Variants in CSMD2 observed in about 807,000 individuals in gnomAD.
CSMD2 encodes CUB and Sushi multiple domains 2, also known as CUB and sushi domain-containing protein 2.
In CSMD2, 130 loss-of-function variants were observed where a neutral mutation model predicts 398.5. The ratio of observed to expected loss-of-function variants is 0.33; its 90% CI spans 0.28 to 0.38. The LOEUF (loss-of-function observed/expected upper bound fraction) is 0.38, where lower values mean the gene tolerates loss of function less well. Ranked by LOEUF, CSMD2 falls within the 10% of genes least tolerant of loss-of-function variation. CSMD2 has a pLI of 1.00. For synonymous variants in CSMD2, 1,828 were observed against 1,908.5 expected (o/e 0.96, Z 1.10); for missense variants, 3,829 against 4,764.9 (o/e 0.80, Z 5.78).
At chr1:33,699,346 G>A (rs973097258) in intron 23 of CSMD2, among the ~76,000 whole-genome samples, 8 of 152,182 alleles carry the variant, frequency 5.3e-5, no homozygotes, top group African/African-American at 9.7e-5. Context: ...TTAAACATAC[G>A]CTGTTGAAAT....
At chr1:33,654,445 C>T (rs188940180) in intron 27 of CSMD2, among the ~76,000 whole-genome samples, 121 of 152,244 alleles carry the variant, frequency 7.9e-4, no homozygotes, top group African/African-American at 2.5e-3. Flanking sequence ...GTAGAGGAGG[C>T]GTGCTTCTCC....
intron 2 of CSMD2, among the ~76,000 whole-genome samples, chr1:34,075,204 TC>T (rs1434339719): frequency 6.6e-6 from 1 of 152,194 alleles, no homozygotes; most frequent in Admixed American, 6.5e-5. Flanking sequence ...CTTTCCAGTG[TC>T]CCCTCTCTGT....
intron 2 of CSMD2, among the ~76,000 whole-genome samples, chr1:34,063,091 G>GC (rs1372482923): frequency 1.3e-5 from 2 of 151,998 alleles, no homozygotes; most frequent in African/African-American, 2.4e-5. Flanking sequence ...GGGGGAAACC[G>GC]CCCCCGTGAT....
chr1:33,917,987 C>T (rs1643812339), intron 5 of CSMD2, 107 bp downstream of exon 5: 4 of 937,988 alleles, frequency 4.3e-6, no homozygotes, highest in Non-Finnish European at 6.6e-6. Flanking sequence ...AAGGAAGTGG[C>T]TAAGAGGCCT....
intron 2 of CSMD2, among the ~76,000 whole-genome samples, chr1:34,052,659 T>A (rs933076007): frequency 6.6e-6 from 1 of 152,106 alleles, no homozygotes; most frequent in African/African-American, 2.4e-5. Flanking sequence ...CCTATCTTCC[T>A]CTATCTGAAT....
chr1:34,036,674 T>C (rs1230026449), intron 2 of CSMD2, among the ~76,000 whole-genome samples: 1 of 152,166 alleles, frequency 6.6e-6, no homozygotes, highest in Non-Finnish European at 1.5e-5. Flanking sequence ...AGTGGCAGTG[T>C]GCTGGTTTTG....
intron 52 of CSMD2, among the ~76,000 whole-genome samples, chr1:33,568,579 T>C (rs1347066318): frequency 6.6e-6 from 1 of 152,240 alleles, no homozygotes; most frequent in South Asian, 2.1e-4. Context: ...GAAACAACTA[T>C]GTAAAAACAG....
intron 3 of CSMD2, among the ~76,000 whole-genome samples, chr1:33,974,429 A>G (rs1478409623): frequency 3.9e-5 from 6 of 152,250 alleles, no homozygotes; most frequent in Non-Finnish European, 8.8e-5. Context: ...GGACACAGAC[A>G]TGAGCCAGTC....
chr1:34,038,062 G>A (rs1159460450), intron 2 of CSMD2, among the ~76,000 whole-genome samples: 1 of 152,120 alleles, frequency 6.6e-6, no homozygotes, highest in African/African-American at 2.4e-5. Flanking sequence ...GCTGGGGGAG[G>A]GGATGGGAAA....
Position 33,546,117 on chromosome 1 carries a change from G to C in CSMD2, c.9020C>G (p.Ala3007Gly). ...TGACGATCCCCGGAGCACGTGGCCA[G>C]CTTCACAGCTGAAGCGCATCACAGT... is the stretch of plus-strand genomic sequence containing the variant. Reference protein sequence around the residue: ...PGTVMRFSCEAGHVLRGSSER... With the variant: ...PGTVMRFSCEGGHVLRGSSER... Residue 3007 changes from alanine (A) to glycine (G), a missense_variant, in exon 57 of 71, where the codon GCT becomes GGT. Ala to Gly is a moderately conservative substitution (Grantham distance 60, BLOSUM62 0). Transcript: ENST00000373381. The C allele has an allele frequency of 1.2e-6, 2 of 1,614,204 alleles. No homozygotes were observed. The highest frequency in any genetic ancestry group is 1.7e-6 in the Non-Finnish European group (2 of 1,180,042).
At chr1:34,008,399 T>C (rs891027558) in intron 3 of CSMD2, among the ~76,000 whole-genome samples, 3 of 152,238 alleles carry the variant, frequency 2.0e-5, no homozygotes, top group Non-Finnish European at 4.4e-5. Flanking sequence ...ACTCTTTTAG[T>C]TGTACCATGT....
chr1:34,119,534 C>T (rs1328712040), intron 1 of CSMD2, among the ~76,000 whole-genome samples: 1 of 144,962 alleles, frequency 6.9e-6, no homozygotes, highest in Non-Finnish European at 1.5e-5. Flanking sequence ...TGGTGAGTGG[C>T]TATACAGAAT....
At chr1:33,806,838 A>G (rs780642690) in intron 10 of CSMD2, among the ~76,000 whole-genome samples, 2 of 152,244 alleles carry the variant, frequency 1.3e-5, no homozygotes, top group African/African-American at 2.4e-5. Flanking sequence ...AGTGAACAGA[A>G]TGAAAGAGAG....
rs763272968 is a variant in CSMD2 at position 33,533,204 on chromosome 1, C to T, written c.10017G>A (p.Thr3339=). Reference sequence around the variant, plus strand: ...GGGCCCCGACGTTGGCATGCGTTGGCGTCTCTGGCTGCCTGCAGTGGTGGG... The same window carrying T: ...GGGCCCCGACGTTGGCATGCGTTGGTGTCTCTGGCTGCCTGCAGTGGTGGG... ...CVPHHCRQPE[T]PTHANVGALD... is the part of the protein sequence containing the mutation. Residue 3339 remains threonine (T), a synonymous_variant, in exon 64 of 71, where the codon ACG becomes ACA. Coordinates refer to ENST00000373381, the MANE Select transcript of CSMD2 (RefSeq NM_001281956.2). The surrounding 1 kb of genome is among the most constrained non-coding windows in gnomAD (Gnocchi z 4.2). 25 of 1,613,794 alleles carry T rather than the reference C, an allele frequency of 1.5e-5. 1 individual carries two copies. Among genetic ancestry groups the T allele is most frequent in the South Asian group, 7.7e-5 (7 of 91,012 alleles).
chr1:33,687,585 T>C (rs1336774190), intron 25 of CSMD2, among the ~76,000 whole-genome samples: 1 of 152,130 alleles, frequency 6.6e-6, no homozygotes, highest in Non-Finnish European at 1.5e-5. Context: ...TATAGAAGCA[T>C]AATGTATTCT....
chr1:33,895,860 G>A lies in CSMD2; in HGVS notation c.920+22234C>T, dbSNP rs1390037478. Among the ~76,000 whole-genome samples, 4 of 152,266 alleles carry A rather than the reference G, an allele frequency of 2.6e-5. No homozygotes were observed. In the Middle Eastern group the frequency reaches 0.01, roughly 388 times the overall value. On this transcript the variant is annotated intron_variant, in intron 5 of 70. Transcript: ENST00000373381. ...ATGGGATGAGGGGTCTGAAGCCGCAGTGCTCAGGCATCCCAGGGCCTGGTC... is the reference window on the plus strand; with the variant it reads ...ATGGGATGAGGGGTCTGAAGCCGCAATGCTCAGGCATCCCAGGGCCTGGTC...
chr1:33,663,093 C>T lies in CSMD2; in HGVS notation c.4053-1G>A. Reference sequence around the variant, plus strand: ...TGTGTCAAACACCAGGAAGTGTAGCCTGCACGGAGAGAAGAGGCAGTGGTC... The same window carrying T: ...TGTGTCAAACACCAGGAAGTGTAGCTTGCACGGAGAGAAGAGGCAGTGGTC... On this transcript the variant is annotated splice_acceptor_variant, in intron 25 of 70. Coordinates refer to ENST00000373381, the MANE Select transcript of CSMD2 (RefSeq NM_001281956.2). LOFTEE classifies it high-confidence loss of function. 1 of 1,613,670 alleles carries T rather than the reference C, an allele frequency of 6.2e-7. No individual in the cohort carries two copies. Among genetic ancestry groups the T allele is most frequent in the Non-Finnish European group, 8.5e-7 (1 of 1,179,640 alleles).
chr1:33,528,960 T>C (rs1557486554), intron 64 of CSMD2, among the ~76,000 whole-genome samples: 1 of 152,212 alleles, frequency 6.6e-6, no homozygotes, highest in African/African-American at 2.4e-5. Flanking sequence ...ACTCCCCAAA[T>C]TGATCTACAG....
intron 12 of CSMD2, among the ~76,000 whole-genome samples, chr1:33,773,177 T>C (rs1225840610): frequency 6.6e-6 from 1 of 152,008 alleles, no homozygotes. Flanking sequence ...TGACCTTGCA[T>C]CTGAACTGCT....
Sources: gnomAD v4.1 joint callset for allele counts (sites outside exome capture counted in the v4.1 genomes callset) on GRCh38, gnomAD v4.1.1 for gene constraint, Gnocchi (gnomAD v3.1) non-coding constraint, MANE v1.5 for transcripts, NCBI Gene and HGNC (gene_info 2026-07-23, HGNC 2026-07-21) for gene names.